The following GRM4 variants were observed in gnomAD, a reference collection of about 807,000 sequenced individuals.
GRM4 encodes the protein metabotropic glutamate receptor 4.
GRM4 carries 28 observed loss-of-function variants against 81.7 expected under a neutral mutation model. The observed-to-expected ratio is 0.34, with a 90% CI of 0.25 to 0.47. GRM4 has a LOEUF of 0.47. GRM4 is among the 20% of genes least tolerant of loss of function. The pLI is 1.00. For synonymous variants in GRM4, 488 were observed against 528.8 expected, an observed-to-expected ratio of 0.92 and a Z score of 1.06; for missense variants, 948 against 1,290.0, an observed-to-expected ratio of 0.73 and a Z score of 4.06.
intron 8 of GRM4, among the ~76,000 whole-genome samples, chr6:34,038,837 A>G (rs9380400): frequency 0.37 from 55,963 of 151,722 alleles, 13,748 homozygotes; most frequent in African/African-American, 0.71. Context: ...GCCCACTGCC[A>G]CCCACACGTG....
At chr6:34,140,048 A>C (rs1294798329) in intron 1 of GRM4, among the ~76,000 whole-genome samples, 1 of 152,154 alleles carries the variant, frequency 6.6e-6, no homozygotes, top group Non-Finnish European at 1.5e-5. Context: ...ACTTCAGGGG[A>C]TCAGGCGATA....
chr6:34,066,100 G>C (rs1156270772), intron 3 of GRM4, among the ~76,000 whole-genome samples: 1 of 152,112 alleles, frequency 6.6e-6, no homozygotes, highest in African/African-American at 2.4e-5. Context: ...CCTGATCAAG[G>C]CGTGTCCATT....
chr6:34,144,541 G>A (rs1037140933), intron 1 of GRM4, among the ~76,000 whole-genome samples: 13 of 152,220 alleles, frequency 8.5e-5, no homozygotes, highest in Non-Finnish European at 1.6e-4. Flanking sequence ...AACCTGCCGA[G>A]GCCACGGGCA....
chr6:34,140,493 G>A (rs1448422219), intron 1 of GRM4, among the ~76,000 whole-genome samples: 1 of 152,138 alleles, frequency 6.6e-6, no homozygotes, highest in Non-Finnish European at 1.5e-5. Flanking sequence ...ACGTGCAAAG[G>A]CCACAGCAGC....
Position 34,130,393 on chromosome 6 carries a change from A to C in GRM4, c.519+2585T>G, listed in dbSNP as rs1581727524. Among the ~76,000 whole-genome samples the C allele has an allele frequency of 6.6e-6, 1 of 151,820 alleles. No individual in the cohort carries two copies. Among genetic ancestry groups the C allele is most frequent in the Non-Finnish European group, 1.5e-5 (1 of 67,976 alleles). On this transcript the variant is annotated intron_variant, in intron 2 of 10. Coordinates refer to ENST00000538487, the MANE Select transcript of GRM4 (RefSeq NM_000841.4). This position sits in a 1 kb window ranked among gnomAD's most constrained non-coding sequence, Gnocchi z 4.1. ...CTCTGTGCAGCCTGAGGGGCTCCTGACCCCTGCCCCAACCACTCCATCCTG... is the reference window on the plus strand; with the variant it reads ...CTCTGTGCAGCCTGAGGGGCTCCTGCCCCCTGCCCCAACCACTCCATCCTG...
chr6:34,154,516 G>A (rs1771107185), intron 1 of GRM4, among the ~76,000 whole-genome samples: 1 of 151,692 alleles, frequency 6.6e-6, no homozygotes, highest in Non-Finnish European at 1.5e-5. Context: ...ACAGTCCTTG[G>A]GCAACAAATG....
Position 34,133,784 on chromosome 6 carries a change from A to G in GRM4, c.-288T>C, listed in dbSNP as rs2127511987. 3 of 1,200,518 alleles carry G rather than the reference A, an allele frequency of 2.5e-6. No individual in the cohort carries two copies. The East Asian group carries it at 1.1e-4, about 42-fold the overall frequency. The allele number at this position is 1,200,518 out of a possible 1,614,324, so 74.4% of individuals were successfully genotyped here. A position where few individuals can be genotyped will look rare whatever the true frequency, so the allele number is the denominator to read the frequency against. On this transcript the variant is annotated 5_prime_UTR_variant, in exon 2 of 11. Coordinates refer to ENST00000538487, the MANE Select transcript of GRM4 (RefSeq NM_000841.4). The surrounding 1 kb of genome is among the most constrained non-coding windows in gnomAD (Gnocchi z 6.5). ...GCCTGTTCTCGGTGGATGACTGTGGAAAGGGCAGAATGCTCCTAGCTTGGC... is the reference window on the plus strand; with the variant it reads ...GCCTGTTCTCGGTGGATGACTGTGGGAAGGGCAGAATGCTCCTAGCTTGGC...
chr6:34,125,809 G>C (rs1023072175), intron 2 of GRM4, among the ~76,000 whole-genome samples: 2 of 152,218 alleles, frequency 1.3e-5, no homozygotes, highest in African/African-American at 2.4e-5. Context: ...GTGGGGGTTT[G>C]GGGGAAAGAG....
chr6:34,138,712 T>G (rs941450963), intron 1 of GRM4, among the ~76,000 whole-genome samples: 1 of 152,172 alleles, frequency 6.6e-6, no homozygotes, highest in African/African-American at 2.4e-5. Flanking sequence ...GGATGACCAG[T>G]TAGCCCTTCA....
At chr6:34,124,311 C>T (rs1335457829) in intron 2 of GRM4, among the ~76,000 whole-genome samples, 4 of 152,212 alleles carry the variant, frequency 2.6e-5, no homozygotes, top group Non-Finnish European at 5.9e-5. Context: ...CCCTCCACTC[C>T]GTTCAGGTTC....
intron 2 of GRM4, among the ~76,000 whole-genome samples, chr6:34,128,018 C>T (rs927182257): frequency 6.6e-6 from 1 of 152,188 alleles, no homozygotes; most frequent in African/African-American, 2.4e-5. Flanking sequence ...GAACTCACAC[C>T]GCCAGGCTAG....
chr6:34,044,429 C>CACAT (rs1765207568), intron 6 of GRM4, among the ~76,000 whole-genome samples: 1 of 149,968 alleles, frequency 6.7e-6, no homozygotes, highest in East Asian at 2.0e-4. Flanking sequence ...CACATACACA[C>CACAT]AGACATACAT....
In GRM4 at chr6:34,040,571, T is replaced by A; in HGVS notation, c.1346A>T (p.Tyr449Phe). 1 of 1,613,734 alleles carries A rather than the reference T, an allele frequency of 6.2e-7. No individual in the cohort carries two copies. The highest frequency in any genetic ancestry group is 8.5e-7 in the Non-Finnish European group (1 of 1,179,806). ...DPVDGTQLLK[Y>F]IRNVNFSGIA... ...ACCTGAGAAGTTGACGTTTCGGATG[T>A]ACTTAAGCAGCTGGGTGCCATCTAC... Residue 449 changes from tyrosine (Y) to phenylalanine (F), a missense_variant, in exon 7 of 11, where the codon TAC becomes TTC. Coordinates refer to ENST00000538487, the MANE Select transcript of GRM4 (RefSeq NM_000841.4).
chr6:34,066,786 C>G (rs553134850), intron 3 of GRM4, among the ~76,000 whole-genome samples: 1 of 152,064 alleles, frequency 6.6e-6, no homozygotes, highest in South Asian at 2.1e-4. Flanking sequence ...TGGGACTACT[C>G]AGCAAATCTG....
chr6:34,100,791 G>A (rs1007710470), intron 2 of GRM4, among the ~76,000 whole-genome samples: 14 of 152,220 alleles, frequency 9.2e-5, no homozygotes, highest in Admixed American at 5.2e-4. Context: ...CATGTCTATC[G>A]CTTCTGTCCC....
At chr6:34,120,271 G>A (rs1022227256) in intron 2 of GRM4, among the ~76,000 whole-genome samples, 4 of 152,068 alleles carry the variant, frequency 2.6e-5, no homozygotes, top group Non-Finnish European at 4.4e-5. Flanking sequence ...TTCCCTCCAC[G>A]AGGCCTCAGC....
chr6:34,154,121 T>C (rs1374956584), intron 1 of GRM4, among the ~76,000 whole-genome samples: 1 of 152,230 alleles, frequency 6.6e-6, no homozygotes, highest in African/African-American at 2.4e-5. Flanking sequence ...GTATTCAGCC[T>C]GGGCTGTGAC....
chr6:34,049,370 C>T (rs1333086528), intron 6 of GRM4, among the ~76,000 whole-genome samples: 1 of 152,128 alleles, frequency 6.6e-6, no homozygotes, highest in East Asian at 1.9e-4. Flanking sequence ...GGCCCTGCTG[C>T]CTCCCAGGCT....
chr6:34,044,929 GAC>G (rs552862099), intron 6 of GRM4, among the ~76,000 whole-genome samples: 28 of 142,428 alleles, frequency 2.0e-4, no homozygotes, highest in East Asian at 1.5e-3. Flanking sequence ...TATATACACA[GAC>G]ACACACACAC....
Sources: gnomAD v4.1 joint callset for allele counts (sites outside exome capture counted in the v4.1 genomes callset) on GRCh38, gnomAD v4.1.1 for gene constraint, Gnocchi (gnomAD v3.1) non-coding constraint, MANE v1.5 for transcripts, NCBI Gene and HGNC (gene_info 2026-07-23, HGNC 2026-07-21) for gene names.